Variants in STK3 observed in about 807,000 individuals in gnomAD.
STK3 encodes the protein serine/threonine kinase 3, also known as serine/threonine-protein kinase 3.
A neutral mutation model predicts 58.0 loss-of-function variants in STK3; 41 were observed. That is an observed-to-expected ratio of 0.71 (90% confidence interval 0.55 to 0.92). The LOEUF (loss-of-function observed/expected upper bound fraction) is 0.92. STK3 is among the 40% of genes least tolerant of loss of function. STK3 has a pLI of 0.00. For synonymous variants in STK3, 170 were observed against 191.0 expected (o/e 0.89, Z 0.91); for missense variants, 479 against 602.7 (o/e 0.79, Z 2.15).
intron 1 of STK3, among the ~76,000 whole-genome samples, chr8:98,816,920 G>T (rs947368135): frequency 4.6e-5 from 7 of 152,166 alleles, no homozygotes; most frequent in Non-Finnish European, 7.3e-5. Flanking sequence ...TCAGGAAAAT[G>T]ATTACTTATA....
At chr8:98,366,535 G>A (rs1176551259), downstream of STK3, among the ~76,000 whole-genome samples, 1 of 152,182 alleles carries the variant, frequency 6.6e-6, no homozygotes, top group African/African-American at 2.4e-5. Flanking sequence ...GTGGTGTGAG[G>A]TAGGGATCTA....
intron 2 of STK3, 90 bp downstream of exon 2, chr8:98,774,649 G>A (rs572317608): frequency 4.4e-5 from 39 of 880,656 alleles, no homozygotes; most frequent in Non-Finnish European, 6.1e-5. Flanking sequence ...CAATTCATAC[G>A]AATATACTCT....
intron 1 of STK3, among the ~76,000 whole-genome samples, chr8:98,929,447 A>G (rs1839930430): frequency 6.6e-6 from 1 of 152,184 alleles, no homozygotes; most frequent in Admixed American, 6.5e-5. Flanking sequence ...GCTTGAGCTC[A>G]GGAGTTTGAG....
chr8:98,741,445 T>C (rs534362376), intron 4 of STK3, among the ~76,000 whole-genome samples: 29 of 152,234 alleles, frequency 1.9e-4, no homozygotes, highest in South Asian at 6.2e-4. Context: ...AGACACTCAC[T>C]CAAAACCACT....
At chr8:98,511,719 C>A (rs914113924) in intron 10 of STK3, among the ~76,000 whole-genome samples, 2 of 152,090 alleles carry the variant, frequency 1.3e-5, no homozygotes, top group Non-Finnish European at 2.9e-5. Context: ...GAACACAGAA[C>A]CTGAAGAGAG....
chr8:98,552,926 T>C (rs1811293330), intron 8 of STK3, among the ~76,000 whole-genome samples: 1 of 152,174 alleles, frequency 6.6e-6, no homozygotes, highest in Admixed American at 6.5e-5. Context: ...GATAGTTTAA[T>C]TCCATTTCAG....
At chr8:98,746,504 T>C (rs1234510341) in intron 4 of STK3, among the ~76,000 whole-genome samples, 1 of 152,050 alleles carries the variant, frequency 6.6e-6, no homozygotes, top group African/African-American at 2.4e-5. Flanking sequence ...TTCCAGCTAC[T>C]CAGGAGGCTG....
intron 10 of STK3, among the ~76,000 whole-genome samples, chr8:98,456,268 G>A (rs74594131): frequency 1.1e-3 from 167 of 152,248 alleles, no homozygotes; most frequent in African/African-American, 3.4e-3. Context: ...AGAAAAATAC[G>A]CTGATGGAAT....
chr8:98,393,869 A>G (rs914375903), intron 3 of STK3: 10 of 152,262 alleles, frequency 6.6e-5, no homozygotes, highest in Middle Eastern at 3.4e-3. Flanking sequence ...TTGTCAACCT[A>G]CAGAATCATA....
chr8:98,654,688 T>C (rs886109984), intron 6 of STK3, among the ~76,000 whole-genome samples: 63 of 151,930 alleles, frequency 4.1e-4, no homozygotes, highest in South Asian at 1.3e-3. Flanking sequence ...TATACACCAA[T>C]AACAGACAAA....
At position 98,403,911 on chromosome 8, in the gene STK3, T is replaced by C. The variant is rs554754766; in HGVS notation, n.484-2398A>G. Among the ~76,000 whole-genome samples, 62 of 152,374 alleles carry C rather than the reference T, an allele frequency of 4.1e-4. No homozygotes were observed. The South Asian group carries it at 0.012, about 30-fold the overall frequency. ...GAGAAATGACACTGGCTGCTTAGGA[T>C]GGCTGTGGGGATATATGCAGATTTT... On this transcript the variant is annotated intron_variant and non_coding_transcript_variant, in intron 3 of 3. Coordinates refer to the STK3 transcript ENST00000517832.
chr8:98,494,890 C>A (rs938893295), intron 10 of STK3, among the ~76,000 whole-genome samples: 1 of 152,126 alleles, frequency 6.6e-6, no homozygotes, highest in Non-Finnish European at 1.5e-5. Context: ...AGGAGCCCAA[C>A]TGTGAAGGGA....
intron 3 of STK3, among the ~76,000 whole-genome samples, chr8:98,402,727 C>T (rs1254973527): frequency 1.3e-5 from 2 of 152,204 alleles, no homozygotes; most frequent in African/African-American, 4.8e-5. Flanking sequence ...GCCTTGGGAA[C>T]AGTCTGTGCT....
chr8:98,590,214 TG>T (rs142302784), intron 7 of STK3, among the ~76,000 whole-genome samples: 7,383 of 152,284 alleles, frequency 0.048, 254 homozygotes, highest in African/African-American at 0.089. Flanking sequence ...CTATTTCTGT[TG>T]TTATGAGTGC....
intron 6 of STK3, among the ~76,000 whole-genome samples, chr8:98,697,161 T>C (rs1320416166): frequency 2.6e-5 from 4 of 152,260 alleles, no homozygotes; most frequent in Non-Finnish European, 5.9e-5. Context: ...GTTTGTAGTA[T>C]TCTCTGATGG....
chr8:98,754,993 G>T (rs1430822198), intron 3 of STK3, among the ~76,000 whole-genome samples: 1 of 152,072 alleles, frequency 6.6e-6, no homozygotes, highest in Non-Finnish European at 1.5e-5. Context: ...ATTCTAACCT[G>T]GGCAGCCACC....
At chr8:98,611,089 A>G (rs1446708888) in intron 6 of STK3, among the ~76,000 whole-genome samples, 2 of 152,142 alleles carry the variant, frequency 1.3e-5, no homozygotes, top group Non-Finnish European at 2.9e-5. Flanking sequence ...GGTTAAAGCT[A>G]AACAAGCAGA....
At chr8:98,709,876 C>A (rs1283515897) in intron 4 of STK3, among the ~76,000 whole-genome samples, 1 of 151,970 alleles carries the variant, frequency 6.6e-6, no homozygotes, top group Admixed American at 6.5e-5. Context: ...AGATCAGGAA[C>A]AATGAAAGGA....
At chr8:98,652,000 C>T (rs1372025693) in intron 6 of STK3, among the ~76,000 whole-genome samples, 2 of 151,840 alleles carry the variant, frequency 1.3e-5, no homozygotes, top group African/African-American at 4.8e-5. Context: ...AGATACTCCT[C>T]GAGAAGAGCA....
Sources: allele counts gnomAD v4.1 joint callset (sites outside exome capture counted in the v4.1 genomes callset), GRCh38; gene constraint gnomAD v4.1.1; transcripts MANE v1.5; gene names NCBI Gene and HGNC (gene_info 2026-07-23, HGNC 2026-07-21).